MAGI1: variants seen among roughly 807,000 people sequenced by gnomAD.
MAGI1 encodes membrane-associated guanylate kinase, WW and PDZ domain-containing protein 1.
A neutral mutation model predicts 139.9 loss-of-function variants in MAGI1; 58 were observed. That is an observed-to-expected ratio of 0.41 (90% CI 0.34 to 0.52). MAGI1 has a LOEUF of 0.52. Among genes scored for constraint, MAGI1 ranks in the 20% least tolerant of loss-of-function variants. The pLI, the probability that MAGI1 is intolerant of heterozygous loss-of-function variation, is 0.12. For synonymous variants in MAGI1, 812 were observed against 737.9 expected (o/e 1.10, Z -1.63); for missense variants, 1,874 against 1,901.6 (o/e 0.99, Z 0.27).
intron 1 of MAGI1, among the ~76,000 whole-genome samples, chr3:65,800,081 C>T (rs2040418457): frequency 6.6e-6 from 1 of 152,190 alleles, no homozygotes; most frequent in Non-Finnish European, 1.5e-5. Flanking sequence ...TGTTACTTTC[C>T]TCCCAAGTTT....
At chr3:65,734,173 G>T (rs1015162506) in intron 1 of MAGI1, among the ~76,000 whole-genome samples, 2 of 152,080 alleles carry the variant, frequency 1.3e-5, no homozygotes, top group Non-Finnish European at 2.9e-5. Flanking sequence ...ACATTATCTT[G>T]ACTGGGTGCA....
At chr3:65,528,907 C>A (rs908229317) in intron 2 of MAGI1, among the ~76,000 whole-genome samples, 1 of 151,978 alleles carries the variant, frequency 6.6e-6, no homozygotes, top group South Asian at 2.1e-4. Context: ...ATTAGCCAAG[C>A]ATTGTGGCAC....
At chr3:65,584,134 T>C (rs1409043848) in intron 2 of MAGI1, among the ~76,000 whole-genome samples, 3 of 151,552 alleles carry the variant, frequency 2.0e-5, no homozygotes, top group Middle Eastern at 3.2e-3. Flanking sequence ...TGAATTTTTT[T>C]CCTTTCCATG....
At chr3:65,469,176 A>G (rs1384896967) in intron 5 of MAGI1, among the ~76,000 whole-genome samples, 2 of 152,126 alleles carry the variant, frequency 1.3e-5, no homozygotes, top group Non-Finnish European at 2.9e-5. Context: ...TAGATGTAGG[A>G]TATGTGTGTA....
At chr3:65,756,958 T>C (rs1054243110) in intron 1 of MAGI1, among the ~76,000 whole-genome samples, 1 of 152,174 alleles carries the variant, frequency 6.6e-6, no homozygotes, top group African/African-American at 2.4e-5. Flanking sequence ...GTATTTTAGT[T>C]AAAGAAAATA....
chr3:65,691,000 G>A (rs2088577896), intron 1 of MAGI1, among the ~76,000 whole-genome samples: 1 of 151,992 alleles, frequency 6.6e-6, no homozygotes, highest in Admixed American at 6.6e-5. Context: ...GGACACTGGT[G>A]CCTTAAGAAA....
intron 1 of MAGI1, among the ~76,000 whole-genome samples, chr3:65,659,486 C>T (rs149621157): frequency 1.1e-4 from 17 of 152,198 alleles, no homozygotes; most frequent in South Asian, 4.1e-4. Flanking sequence ...AGTGCCAGGA[C>T]GGTTCCAAAA....
intron 1 of MAGI1, among the ~76,000 whole-genome samples, chr3:65,977,619 A>G (rs2065332879): frequency 6.6e-6 from 1 of 151,954 alleles, no homozygotes; most frequent in Non-Finnish European, 1.5e-5. Context: ...GCTGAGGCAC[A>G]AGAATCACTT....
At position 65,996,924 on chromosome 3, in the gene MAGI1, G is replaced by A. The variant is rs75571014; in HGVS notation, c.313+41072C>T. On this transcript the variant is annotated intron_variant, in intron 1 of 22. Transcript: ENST00000402939. ...AGCAACTCTTGTGGTTGTCATACAC[G>A]AATGACGTCATCTCCAACACACACC... 1.1e-4 allele frequency among the ~76,000 whole-genome samples: 16 copies of A among 152,294 alleles called. No individual in the cohort carries two copies. The East Asian group carries it at 2.9e-3, about 28-fold the overall frequency.
chr3:65,733,648 T>G (rs566108002), intron 1 of MAGI1, among the ~76,000 whole-genome samples: 2 of 152,334 alleles, frequency 1.3e-5, no homozygotes, highest in African/African-American at 4.8e-5. Flanking sequence ...ATGTGGTAAT[T>G]TGAAGACCGT....
intron 1 of MAGI1, among the ~76,000 whole-genome samples, chr3:65,701,698 A>G (rs1275517768): frequency 6.6e-6 from 1 of 152,194 alleles, no homozygotes; most frequent in African/African-American, 2.4e-5. Context: ...CTTGAATAAG[A>G]ACTTCATTTG....
intron 1 of MAGI1, among the ~76,000 whole-genome samples, chr3:66,016,520 C>T (rs2067646681): frequency 6.6e-6 from 1 of 152,142 alleles, no homozygotes; most frequent in Non-Finnish European, 1.5e-5. Context: ...AAAGAAGCGA[C>T]GAGGACACGT....
At chr3:65,727,392 T>C (rs971075404) in intron 1 of MAGI1, among the ~76,000 whole-genome samples, 6 of 152,166 alleles carry the variant, frequency 3.9e-5, no homozygotes, top group African/African-American at 1.2e-4. Flanking sequence ...CAGGGAGTTA[T>C]TCCATTTATT....
At chr3:65,952,686 C>T (rs1475649952) in intron 1 of MAGI1, among the ~76,000 whole-genome samples, 1 of 152,060 alleles carries the variant, frequency 6.6e-6, no homozygotes, top group African/African-American at 2.4e-5. Context: ...TGGTGGCGGG[C>T]GCCTGTAGTC....
intron 2 of MAGI1, among the ~76,000 whole-genome samples, chr3:65,609,285 G>C (rs866556167): frequency 6.8e-6 from 1 of 146,336 alleles, no homozygotes; most frequent in African/African-American, 2.5e-5. Flanking sequence ...TCTTTTTTTT[G>C]TTTTTTTTTT....
At chr3:65,478,458 T>C in intron 4 of MAGI1, 134 bp downstream of exon 4, 1 of 769,544 alleles carries the variant, frequency 1.3e-6, no homozygotes. Flanking sequence ...GCAAGCACTG[T>C]GTGGTCCAAG....
intron 1 of MAGI1, among the ~76,000 whole-genome samples, chr3:65,674,845 G>C (rs1273577448): frequency 6.6e-6 from 1 of 152,172 alleles, no homozygotes; most frequent in African/African-American, 2.4e-5. Flanking sequence ...ATTTAAAAAT[G>C]AGGATTAATC....
chr3:65,788,475 T>C (rs1272625916), intron 1 of MAGI1, among the ~76,000 whole-genome samples: 10 of 152,212 alleles, frequency 6.6e-5, no homozygotes, highest in Admixed American at 6.5e-4. Context: ...TTTTAGATTA[T>C]TCATTTCAAG....
At chr3:65,922,857 C>T (rs1441935548) in intron 1 of MAGI1, among the ~76,000 whole-genome samples, 2 of 152,192 alleles carry the variant, frequency 1.3e-5, no homozygotes, top group Non-Finnish European at 1.5e-5. Context: ...GTATTTCCTG[C>T]TCCTTCCTAT....
Sources: gnomAD v4.1 joint callset for allele counts (sites outside exome capture counted in the v4.1 genomes callset) on GRCh38, gnomAD v4.1.1 for gene constraint, MANE v1.5 for transcripts, NCBI Gene and HGNC (gene_info 2026-07-23, HGNC 2026-07-21) for gene names.